Variants in CHCHD6 observed in about 807,000 individuals in gnomAD.
CHCHD6 encodes the protein coiled-coil-helix-coiled-coil-helix domain containing 6.
A neutral mutation model predicts 32.3 loss-of-function variants in CHCHD6; 28 were observed. That is an observed-to-expected ratio of 0.87 (90% confidence interval 0.64 to 1.19). The LOEUF is 1.19. CHCHD6 is among the 50% of genes most tolerant of loss of function. The pLI, the probability that CHCHD6 is intolerant of heterozygous loss-of-function variation, is 0.00. For synonymous variants in CHCHD6, 122 were observed against 117.5 expected (o/e 1.04, Z -0.25); for missense variants, 333 against 307.0 (o/e 1.08, Z -0.63).
intron 4 of CHCHD6, among the ~76,000 whole-genome samples, chr3:126,746,236 A>T (rs908664258): frequency 2.6e-5 from 4 of 152,170 alleles, no homozygotes; most frequent in Non-Finnish European, 5.9e-5. Context: ...GCTTGTGCCC[A>T]CAGGGAAGGG....
At chr3:126,932,378 T>C (rs1230406100) in intron 6 of CHCHD6, among the ~76,000 whole-genome samples, 2 of 152,196 alleles carry the variant, frequency 1.3e-5, no homozygotes, top group Non-Finnish European at 2.9e-5. Flanking sequence ...TCCTGGAGTT[T>C]AGATCAACTG....
At chr3:126,722,130 A>G (rs919083266) in intron 1 of CHCHD6, among the ~76,000 whole-genome samples, 9 of 152,190 alleles carry the variant, frequency 5.9e-5, no homozygotes, top group Non-Finnish European at 1.0e-4. Flanking sequence ...ATATCCTCGC[A>G]AATACTTATT....
chr3:126,930,923 G>A (rs1299805757), intron 6 of CHCHD6, among the ~76,000 whole-genome samples: 1 of 152,232 alleles, frequency 6.6e-6, no homozygotes, highest in Non-Finnish European at 1.5e-5. Context: ...AAACAGCTCA[G>A]GGCTGGCTCT....
At chr3:126,874,744 C>T (rs1239514772) in intron 5 of CHCHD6, among the ~76,000 whole-genome samples, 1 of 152,148 alleles carries the variant, frequency 6.6e-6, no homozygotes, top group Non-Finnish European at 1.5e-5. Flanking sequence ...TGCCTTTAGT[C>T]CCACAGCTTC....
chr3:126,921,744 G>A (rs2078251065), intron 6 of CHCHD6, among the ~76,000 whole-genome samples: 2 of 152,236 alleles, frequency 1.3e-5, no homozygotes, highest in South Asian at 2.1e-4. Flanking sequence ...CTAGAGCAGA[G>A]CTGCTGTAGT....
At position 126,709,923 on chromosome 3, in the gene CHCHD6, G is replaced by A. The variant is rs758942027; in HGVS notation, c.87+5524G>A. Reference sequence around the variant, plus strand: ...CAAATACTATGCCATTTTATAAAAGGGACTTGAGCATCCTCAGATATTGGT... The same window carrying A: ...CAAATACTATGCCATTTTATAAAAGAGACTTGAGCATCCTCAGATATTGGT... On this transcript the variant is annotated intron_variant, in intron 1 of 7. Coordinates refer to ENST00000290913, the MANE Select transcript of CHCHD6 (RefSeq NM_032343.3). Among the ~76,000 whole-genome samples, 14 of 152,232 alleles carry A rather than the reference G, an allele frequency of 9.2e-5. No individual in the cohort carries two copies. In the South Asian group the frequency reaches 1.2e-3, roughly 14 times the overall value.
At chr3:126,952,180 TG>T (rs1208443275) in intron 6 of CHCHD6, among the ~76,000 whole-genome samples, 1 of 152,192 alleles carries the variant, frequency 6.6e-6, no homozygotes, top group Non-Finnish European at 1.5e-5. Flanking sequence ...GGCTATTTAA[TG>T]ACAGTGAAAA....
chr3:126,803,859 C>G (rs1170326206), intron 4 of CHCHD6, among the ~76,000 whole-genome samples: 2 of 152,178 alleles, frequency 1.3e-5, no homozygotes, highest in Admixed American at 6.5e-5. Flanking sequence ...TTATAACAAA[C>G]TGTCTCTCAG....
intron 4 of CHCHD6, among the ~76,000 whole-genome samples, chr3:126,745,888 A>C (rs1047014146): frequency 1.3e-5 from 2 of 152,166 alleles, no homozygotes; most frequent in Admixed American, 1.3e-4. Flanking sequence ...TTGTGAGGCT[A>C]AGTGGGTAGG....
intron 5 of CHCHD6, among the ~76,000 whole-genome samples, chr3:126,855,586 C>T (rs949020519): frequency 6.6e-6 from 1 of 152,134 alleles, no homozygotes; most frequent in Non-Finnish European, 1.5e-5. Context: ...TGGCCTGACC[C>T]CAACACCTGC....
intron 6 of CHCHD6, among the ~76,000 whole-genome samples, chr3:126,921,305 C>G (rs2078243545): frequency 6.6e-6 from 1 of 152,174 alleles, no homozygotes; most frequent in Non-Finnish European, 1.5e-5. Flanking sequence ...GCAAGGCTGA[C>G]AGTCACAGAC....
intron 4 of CHCHD6, among the ~76,000 whole-genome samples, chr3:126,789,269 G>A (rs947194902): frequency 7.2e-5 from 11 of 152,118 alleles, no homozygotes; most frequent in African/African-American, 1.9e-4. Context: ...GAATAAGTGC[G>A]GTGTGGTGCT....
chr3:126,879,124 A>G (rs944707026), intron 5 of CHCHD6, among the ~76,000 whole-genome samples: 4 of 152,214 alleles, frequency 2.6e-5, no homozygotes, highest in Non-Finnish European at 5.9e-5. Flanking sequence ...ATGTAGGAGC[A>G]CAAGGTGTTT....
chr3:126,849,739 A>G (rs981817681), intron 4 of CHCHD6, among the ~76,000 whole-genome samples: 4 of 152,152 alleles, frequency 2.6e-5, no homozygotes, highest in Non-Finnish European at 5.9e-5. Context: ...CTGCACACAC[A>G]TTTGTGTCTC....
At chr3:126,740,692 C>A (rs1349638843) in intron 4 of CHCHD6, among the ~76,000 whole-genome samples, 1 of 152,194 alleles carries the variant, frequency 6.6e-6, no homozygotes, top group Non-Finnish European at 1.5e-5. Flanking sequence ...GCTCAGAGAA[C>A]AAGGGTGGCA....
chr3:126,833,839 A>C (rs1253144581), intron 4 of CHCHD6, among the ~76,000 whole-genome samples: 3 of 151,904 alleles, frequency 2.0e-5, no homozygotes, highest in Non-Finnish European at 4.4e-5. Flanking sequence ...GCGGATCACG[A>C]GGTCAGGAGA....
At chr3:126,709,525 A>G (rs989527234) in intron 1 of CHCHD6, among the ~76,000 whole-genome samples, 3 of 152,306 alleles carry the variant, frequency 2.0e-5, no homozygotes, top group Admixed American at 6.5e-5. Flanking sequence ...TGGGTCATTC[A>G]GTTTATGAAT....
intron 4 of CHCHD6, among the ~76,000 whole-genome samples, chr3:126,849,423 C>T (rs1941396315): frequency 6.6e-6 from 1 of 152,178 alleles, no homozygotes; most frequent in Non-Finnish European, 1.5e-5. Flanking sequence ...ATTTTATCTG[C>T]CAGTGCTATG....
chr3:126,780,816 A>T (rs985572365), intron 4 of CHCHD6, among the ~76,000 whole-genome samples: 3 of 152,170 alleles, frequency 2.0e-5, no homozygotes, highest in African/African-American at 7.2e-5. Context: ...CCAACCATGT[A>T]TTATCTTCCT....
Sources: allele counts gnomAD v4.1 joint callset (sites outside exome capture counted in the v4.1 genomes callset), GRCh38; gene constraint gnomAD v4.1.1; transcripts MANE v1.5; gene names NCBI Gene and HGNC (gene_info 2026-07-23, HGNC 2026-07-21).